Variants in CDH8 observed in about 807,000 individuals in gnomAD.
The protein encoded by CDH8 is cadherin 8, also known as cadherin-8.
A neutral mutation model predicts 68.1 loss-of-function variants in CDH8; 17 were observed. The observed-to-expected ratio is 0.25, with a 90% CI of 0.17 to 0.37. CDH8 has a LOEUF of 0.37. Among genes scored for constraint, CDH8 ranks in the 10% least tolerant of loss-of-function variants. CDH8 has a pLI of 1.00. For synonymous variants in CDH8, 372 were observed against 365.1 expected, an observed-to-expected ratio of 1.02 and a Z score of -0.21; for missense variants, 763 against 999.3, an observed-to-expected ratio of 0.76 and a Z score of 3.19.
At chr16:61,959,138 C>T (rs1273187760) in intron 2 of CDH8, among the ~76,000 whole-genome samples, 1 of 152,106 alleles carries the variant, frequency 6.6e-6, no homozygotes, top group South Asian at 2.1e-4. Flanking sequence ...CCATCTCTCA[C>T]CTTCATCTAA....
intron 10 of CDH8, among the ~76,000 whole-genome samples, chr16:61,706,669 AC>A: frequency 6.6e-6 from 1 of 150,756 alleles, no homozygotes; most frequent in East Asian, 2.0e-4. Flanking sequence ...GCATGTTCAA[AC>A]CAAAGCATGT....
At chr16:61,734,671 T>C (rs1959626528) in intron 8 of CDH8, among the ~76,000 whole-genome samples, 1 of 152,196 alleles carries the variant, frequency 6.6e-6, no homozygotes, top group Non-Finnish European at 1.5e-5. Context: ...TCTCATTTTT[T>C]TTAACTTCAC....
At position 61,692,966 on chromosome 16, in the gene CDH8, G is replaced by A. The variant is rs777507733; in HGVS notation, c.1654+20875C>T. ...GCAAAACAATTGGTAAAGTGCCTAC[G>A]ATAACATGACAAATTAATTTAAAAA... On this transcript the variant is annotated intron_variant, in intron 10 of 11. Transcript: ENST00000577390. The A allele has an allele frequency of 3.9e-5, 6 of 152,062 alleles. 1 individual carries two copies. The South Asian group carries it at 8.3e-4, about 21-fold the overall frequency. The allele number at this position is 152,062 out of a possible 1,614,324, so 9.4% of individuals were successfully genotyped here.
At chr16:61,724,680 G>T (rs1256800363) in intron 9 of CDH8, among the ~76,000 whole-genome samples, 1 of 150,744 alleles carries the variant, frequency 6.6e-6, no homozygotes, top group Non-Finnish European at 1.5e-5. Context: ...TATTGAGAAA[G>T]CTATGAATTT....
chr16:61,650,706 T>TGTGAGAGAGAGAGAGAGAGAGAGA lies in CDH8; in HGVS notation c.*2901_*2902insTCTCTCTCTCTCTCTCTCTCTCAC, dbSNP rs745949180. 1 of 116,598 alleles carries TGTGAGAGAGAGAGAGAGAGAGAGA rather than the reference T, an allele frequency of 8.6e-6. No individual in the cohort carries two copies. The highest frequency in any genetic ancestry group is 3.4e-5 in the African/African-American group (1 of 29,796). 7.2% of individuals were successfully genotyped at this position (116,598 alleles called of 1,614,324 possible). On this transcript the variant is annotated 3_prime_UTR_variant, in exon 12 of 12. Coordinates refer to ENST00000577390, the MANE Select transcript of CDH8 (RefSeq NM_001796.5). Reference sequence around the variant, plus strand: ...GTGTGTGTGTGTGTGTGTGTGTGTGTGAGAGAGAGAGAGAGAGAGAGAGAG... The same window carrying TGTGAGAGAGAGAGAGAGAGAGAGA: ...GTGTGTGTGTGTGTGTGTGTGTGTGTGTGAGAGAGAGAGAGAGAGAGAGAGAGAGAGAGAGAGAGAGAGAGAGAG...
intron 2 of CDH8, among the ~76,000 whole-genome samples, chr16:62,002,048 T>G (rs1046440867): frequency 6.6e-6 from 1 of 152,202 alleles, no homozygotes; most frequent in African/African-American, 2.4e-5. Flanking sequence ...ATTCAGAATC[T>G]TTTTGTGTGT....
chr16:61,931,387 G>T (rs1448090041), intron 2 of CDH8, among the ~76,000 whole-genome samples: 1 of 152,028 alleles, frequency 6.6e-6, no homozygotes, highest in Non-Finnish European at 1.5e-5. Context: ...TGTTGCTCAG[G>T]CTGGTCTCAA....
intron 2 of CDH8, among the ~76,000 whole-genome samples, chr16:61,923,866 A>G (rs1964415485): frequency 6.8e-6 from 1 of 147,598 alleles, no homozygotes; most frequent in South Asian, 2.1e-4. Flanking sequence ...AATATATTAT[A>G]TATTTACTAT....
At chr16:61,911,718 A>T (rs1265789939) in intron 2 of CDH8, among the ~76,000 whole-genome samples, 2 of 151,834 alleles carry the variant, frequency 1.3e-5, no homozygotes, top group African/African-American at 4.8e-5. Flanking sequence ...ATATCCATCC[A>T]TTCTATAAAG....
chr16:61,966,645 G>C (rs997807961), intron 2 of CDH8, among the ~76,000 whole-genome samples: 14 of 152,232 alleles, frequency 9.2e-5, no homozygotes, highest in African/African-American at 3.4e-4. Flanking sequence ...TAATATCACA[G>C]AATGTGTCCA....
At chr16:62,017,090 A>G (rs953808927) in intron 2 of CDH8, among the ~76,000 whole-genome samples, 10 of 152,202 alleles carry the variant, frequency 6.6e-5, no homozygotes, top group African/African-American at 2.4e-4. Flanking sequence ...ACATTCTTCC[A>G]TTATGTAGGT....
chr16:61,694,582 A>G (rs946895240), intron 10 of CDH8, among the ~76,000 whole-genome samples: 5 of 152,140 alleles, frequency 3.3e-5, no homozygotes, highest in East Asian at 1.9e-4. Context: ...GTTTGGTCAT[A>G]TGGGGTGATG....
chr16:61,810,741 A>G (rs1240133580), intron 7 of CDH8, among the ~76,000 whole-genome samples: 1 of 152,130 alleles, frequency 6.6e-6, no homozygotes, highest in East Asian at 1.9e-4. Context: ...TAGTTAGATA[A>G]GGCTGAGAGC....
intron 7 of CDH8, among the ~76,000 whole-genome samples, chr16:61,799,562 A>G (rs1961572778): frequency 6.6e-6 from 1 of 152,130 alleles, no homozygotes; most frequent in Admixed American, 6.5e-5. Context: ...AAAGTTAGTA[A>G]GAGAAATATG....
At position 61,985,114 on chromosome 16, in the gene CDH8, G is replaced by T. The variant is rs549504249; in HGVS notation, c.252+36038C>A. Among the ~76,000 whole-genome samples the T allele has an allele frequency of 2.4e-4, 35 of 143,432 alleles. 1 individual carries two copies. The South Asian group carries it at 7.3e-3, about 30-fold the overall frequency. The allele number at this position is 143,432 out of a possible 152,430, so 94.1% of individuals were successfully genotyped here. ...AACTTTTTTTTCCTCAAGAATGTCG[G>T]TTTTTTTTTTTCAAATGTAAAGACT... On this transcript the variant is annotated intron_variant, in intron 2 of 11. Coordinates refer to ENST00000577390, the MANE Select transcript of CDH8 (RefSeq NM_001796.5).
chr16:61,860,880 G>A (rs1203840501), intron 3 of CDH8, among the ~76,000 whole-genome samples: 14 of 152,268 alleles, frequency 9.2e-5, no homozygotes, highest in Middle Eastern at 3.4e-3. Context: ...GGCTTCGTGC[G>A]TTTGGTCAGA....
chr16:61,978,237 G>T (rs980071763), intron 2 of CDH8, among the ~76,000 whole-genome samples: 2 of 152,094 alleles, frequency 1.3e-5, no homozygotes, highest in Non-Finnish European at 2.9e-5. Context: ...CTCATTATGG[G>T]TATGCATTTG....
chr16:61,990,186 GGAT>G (rs1452240532), intron 2 of CDH8, among the ~76,000 whole-genome samples: 1 of 151,846 alleles, frequency 6.6e-6, no homozygotes, highest in Non-Finnish European at 1.5e-5. Flanking sequence ...CTTACAGAAT[GGAT>G]GTTGTTATTA....
chr16:61,967,763 A>G (rs532780339), intron 2 of CDH8, among the ~76,000 whole-genome samples: 10 of 152,286 alleles, frequency 6.6e-5, no homozygotes, highest in African/African-American at 2.4e-4. Context: ...GGGATGCTCA[A>G]TCTGTACTTA....
Sources: gnomAD v4.1 joint callset for allele counts (sites outside exome capture counted in the v4.1 genomes callset) on GRCh38, gnomAD v4.1.1 for gene constraint, MANE v1.5 for transcripts, NCBI Gene and HGNC (gene_info 2026-07-23, HGNC 2026-07-21) for gene names.